The following NUTM1 variants were observed in gnomAD, a reference collection of about 807,000 sequenced individuals.
NUTM1 encodes the protein NUT family member 1.
A neutral mutation model predicts 88.7 loss-of-function variants in NUTM1; 39 were observed. That is an observed-to-expected ratio of 0.44 (90% confidence interval 0.34 to 0.57). NUTM1 has a LOEUF of 0.57. Among genes scored for constraint, NUTM1 ranks in the 20% least tolerant of loss-of-function variants. The pLI is 0.01. For missense variants in NUTM1, 1,350 were observed against 1,414.5 expected (o/e 0.95, Z 0.73); for synonymous variants, 494 against 538.0 (o/e 0.92, Z 1.13).
Position 34,355,256 on chromosome 15 carries a change from C to A in NUTM1, c.1479+119C>A. On this transcript the variant is annotated intron_variant, in intron 7 of 7. Transcript: ENST00000537011. This position sits in a 1 kb window ranked among gnomAD's most constrained non-coding sequence, Gnocchi z 4.3. ...CAGCTTCAGGATTGGGCTTCAGGTG[C>A]AGAACGAGTAGGTAGAGGGCTATGG... is the stretch of plus-strand genomic sequence containing the variant. 1 of 791,776 alleles carries A rather than the reference C, an allele frequency of 1.3e-6. No individual in the cohort carries two copies. The highest frequency in any genetic ancestry group is 2.1e-6 in the Non-Finnish European group (1 of 466,830). 49.0% of individuals were successfully genotyped at this position (791,776 alleles called of 1,614,324 possible).
rs1465928656 is a variant in NUTM1 at position 34,353,848 on chromosome 15, G to T, written c.1051G>T (p.Ala351Ser). Residue 351 changes from alanine to serine, a missense_variant, in exon 5 of 8, where the codon GCC (alanine) becomes TCC (serine). Transcript: ENST00000537011. ...PLKLDPLGPL[A>S]SEVCQQPVYI... ...GAAACTTGATCCTCTAGGGCCCCTG[G>T]CCTCTGAGGTTTGCCAGCAGCCAGG... 6.2e-7 allele frequency: 1 copy of T among 1,613,652 alleles called. No individual in the cohort carries two copies. The highest frequency in any genetic ancestry group is 1.3e-5 in the African/African-American group (1 of 74,902).
chr15:34,347,446 C>G (rs904463821), intron 2 of NUTM1, among the ~76,000 whole-genome samples: 5 of 152,002 alleles, frequency 3.3e-5, no homozygotes, highest in Non-Finnish European at 7.4e-5. Flanking sequence ...TTAATGGAGA[C>G]AGGGTTTTGC....
At position 34,355,028 on chromosome 15, in the gene NUTM1, C is replaced by T; in HGVS notation, c.1370C>T (p.Ala457Val). ...TTTCCTTCTGTTATCCAGGTGGAGG[C>T]TGTCATTCACCCTCAATTTCTGGCA... is the stretch of plus-strand genomic sequence containing the variant. ...SQKVFVSKVE[A>V]VIHPQFLADL... Residue 457 changes from alanine (A) to valine (V), a missense_variant, in exon 7 of 8, where the codon GCT becomes GTT. Ala to Val is a moderately conservative substitution (Grantham distance 64). This residue lies in a region of NUTM1 where 126 missense variants were observed against 189.8 expected (regional missense o/e 0.66). Coordinates refer to ENST00000537011, the MANE Select transcript of NUTM1 (RefSeq NM_001284292.2). This position sits in a 1 kb window ranked among gnomAD's most constrained non-coding sequence, Gnocchi z 4.3. The T allele has an allele frequency of 6.2e-7, 1 of 1,607,924 alleles. No individual in the cohort carries two copies. The highest frequency in any genetic ancestry group is 8.5e-7 in the Non-Finnish European group (1 of 1,174,350).
At position 34,355,968 on chromosome 15, in the gene NUTM1, G is replaced by A. The variant is rs762491899; in HGVS notation, c.1960G>A (p.Gly654Arg). 7.4e-6 allele frequency: 12 copies of A among 1,614,044 alleles called. No homozygotes were observed. The Admixed American group carries it at 1.8e-4, about 25-fold the overall frequency. ...AGAGGCTCTGCCCCTTTGTTGGCAG[G>A]GAGGCTTCCAGCCTGAGAGCACTCC... is the stretch of plus-strand genomic sequence containing the variant. Reference protein sequence around the residue: ...TSEALPLCWQGGFQPESTPSL... With the variant: ...TSEALPLCWQRGFQPESTPSL... Residue 654 changes from glycine to arginine, a missense_variant, in exon 8 of 8, where the codon GGA (glycine) becomes AGA (arginine). This residue lies in a region of NUTM1 where 730 missense variants were observed against 728.8 expected (regional missense o/e 1.00). Transcript: ENST00000537011. The surrounding 1 kb of genome is among the most constrained non-coding windows in gnomAD (Gnocchi z 4.3).
rs781334674 is a variant in NUTM1 at position 34,356,308 on chromosome 15, T to C, written c.2300T>C (p.Ile767Thr). Residue 767 changes from isoleucine (I) to threonine (T), a missense_variant, in exon 8 of 8, where the codon ATA becomes ACA. Ile to Thr is a moderately conservative substitution (Grantham distance 89, BLOSUM62 -1). Around this residue, in one of 5 missense-constraint regions of NUTM1, gnomAD observed 730 missense variants for 728.8 expected, o/e 1.00. Transcript: ENST00000537011. ...GTAGGCTTGGAGCTGCCTGTACAAA[T>C]AGAGGAGGTCATAGAGAGCTTCCAA... is the stretch of plus-strand genomic sequence containing the variant. Reference protein sequence around the residue: ...DAVGLELPVQIEEVIESFQVE... With the variant: ...DAVGLELPVQTEEVIESFQVE... 9 of 1,613,564 alleles carry C rather than the reference T, an allele frequency of 5.6e-6. No homozygotes were observed. The highest frequency in any genetic ancestry group is 2.7e-5 in the African/African-American group (2 of 74,862).
intron 3 of NUTM1, 35 bp downstream of exon 3, chr15:34,348,712 G>T: frequency 6.8e-7 from 1 of 1,463,492 alleles, no homozygotes. Context: ...TTATTCTAGG[G>T]CTTTTAAATA....
At chr15:34,354,864 C>A in intron 6 of NUTM1, 132 bp downstream of exon 6, 1 of 1,041,124 alleles carries the variant, frequency 9.6e-7, no homozygotes, top group Non-Finnish European at 1.5e-6. Context: ...TGTGTGCATG[C>A]ATCATCATGA....
At chr15:34,346,068 T>C in intron 2 of NUTM1, 33 bp downstream of exon 2, 1 of 1,600,596 alleles carries the variant, frequency 6.2e-7, no homozygotes, top group Non-Finnish European at 8.6e-7. Context: ...GGATTTCTGG[T>C]ACCTGCTCAT....
Position 34,345,932 on chromosome 15 carries a change from C to A in NUTM1, c.7-10C>A. 1 of 1,613,904 alleles carries A rather than the reference C, an allele frequency of 6.2e-7. No individual in the cohort carries two copies. Among genetic ancestry groups the A allele is most frequent in the Non-Finnish European group, 8.5e-7 (1 of 1,179,858 alleles). ...CCTTCCTTGGATCCCTGTGCACCTA[C>A]TGGAGCCAGGTTACTCTGGGTCCTG... On this transcript the variant is annotated splice_polypyrimidine_tract_variant and intron_variant, in intron 1 of 7. Coordinates refer to ENST00000537011, the MANE Select transcript of NUTM1 (RefSeq NM_001284292.2).
Position 34,355,659 on chromosome 15 carries a change from C to G in NUTM1, c.1651C>G (p.Leu551Val). Residue 551 changes from leucine (L) to valine (V), a missense_variant, in exon 8 of 8, where the codon CTT becomes GTT. Leu to Val is a conservative substitution (Grantham distance 32). Around this residue, in one of 5 missense-constraint regions of NUTM1, gnomAD observed 730 missense variants for 728.8 expected, o/e 1.00. Coordinates refer to ENST00000537011, the MANE Select transcript of NUTM1 (RefSeq NM_001284292.2). The surrounding 1 kb of genome is among the most constrained non-coding windows in gnomAD (Gnocchi z 4.3). The stretch of plus-strand genomic sequence containing the variant: ...TCAGGGGGCTGGGGGCGCCGCTTGC[C>G]TTGGAAAGGTTTCTTCTTCAGGAAA... ...GLQGAGGAAC[L>V]GKVSSSGKRA... The G allele has an allele frequency of 6.2e-7, 1 of 1,608,908 alleles. No individual in the cohort carries two copies. The highest frequency in any genetic ancestry group is 8.5e-7 in the Non-Finnish European group (1 of 1,177,568).
In NUTM1 at chr15:34,354,521, C is replaced by T. The variant is rs765737308; in HGVS notation, c.1151C>T (p.Ala384Val). The change falls in exon 6 of 8, where the codon GCT becomes GTT. Residue 384 changes from alanine (A) to valine (V), a missense_variant. Physicochemically the swap from Ala to Val is moderately conservative, Grantham distance 64 (BLOSUM62 0). Around this residue, in one of 5 missense-constraint regions of NUTM1, gnomAD observed 89 missense variants for 76.0 expected, o/e 1.17. Coordinates refer to ENST00000537011, the MANE Select transcript of NUTM1 (RefSeq NM_001284292.2). ...CAGCGTAAAGCCCAGAGACCTCCTGCTCCTGAGGCACCCAAGGAGATCCCA... is the reference window on the plus strand; with the variant it reads ...CAGCGTAAAGCCCAGAGACCTCCTGTTCCTGAGGCACCCAAGGAGATCCCA... ...RRQRKAQRPP[A>V]PEAPKEIPPE... 3.1e-6 allele frequency: 5 copies of T among 1,614,192 alleles called. No individual in the cohort carries two copies. The Admixed American group carries it at 8.3e-5, about 27-fold the overall frequency.
chr15:34,348,384 C>A lies in NUTM1; in HGVS notation c.516C>A (p.Pro172=). The A allele has an allele frequency of 6.2e-7, 1 of 1,614,258 alleles. No homozygotes were observed. The highest frequency in any genetic ancestry group is 8.5e-7 in the Non-Finnish European group (1 of 1,180,042). Residue 172 remains proline (P), a synonymous_variant, in exon 3 of 8, where the codon CCC becomes CCA. Coordinates refer to ENST00000537011, the MANE Select transcript of NUTM1 (RefSeq NM_001284292.2). ...VTASNVKTIL[P]SKAVGVSQEG... ...CATCTAATGTGAAGACCATTCTGCC[C>A]TCTAAGGCTGTTGGTGTCAGCCAGG...
At chr15:34,351,936 G>A (rs992490686) in intron 4 of NUTM1, among the ~76,000 whole-genome samples, 9 of 150,782 alleles carry the variant, frequency 6.0e-5, no homozygotes, top group African/African-American at 1.7e-4. Context: ...TTGGGAGGCC[G>A]AGGCAGGCAG....
At chr15:34,345,168 G>T (rs542801875) in intron 1 of NUTM1, among the ~76,000 whole-genome samples, 12 of 152,344 alleles carry the variant, frequency 7.9e-5, no homozygotes, top group African/African-American at 2.4e-4. Flanking sequence ...GGAAATCCAC[G>T]TTTGGATGAA....
At chr15:34,352,045 C>G (rs550677336) in intron 4 of NUTM1, among the ~76,000 whole-genome samples, 6 of 152,268 alleles carry the variant, frequency 3.9e-5, no homozygotes, top group African/African-American at 1.4e-4. Context: ...TGGCGCATGC[C>G]TGTAATCCCA....
At position 34,347,865 on chromosome 15, in the gene NUTM1, T is replaced by C. The variant is rs1385083923; in HGVS notation, c.101-104T>C. ...GAGACTCCATCTCAAAAAATAAAAA[T>C]AAAAATAAAAATAAAAATAAAAATA... On this transcript the variant is annotated intron_variant, in intron 2 of 7. Coordinates refer to ENST00000537011, the MANE Select transcript of NUTM1 (RefSeq NM_001284292.2). The C allele has an allele frequency of 2.2e-5, 12 of 549,888 alleles. 1 individual carries two copies. The South Asian group carries it at 4.2e-4, about 19-fold the overall frequency. The allele number at this position is 549,888 out of a possible 1,614,324, so 34.1% of individuals were successfully genotyped here.
intron 6 of NUTM1, 67 bp downstream of exon 6, chr15:34,354,799 T>C: frequency 6.6e-7 from 1 of 1,520,480 alleles, no homozygotes; most frequent in Non-Finnish European, 9.1e-7. Flanking sequence ...GAACTAATGA[T>C]CTGGGGTTTG....
chr15:34,348,032 C>T lies in NUTM1; in HGVS notation c.164C>T (p.Ala55Val), dbSNP rs766524462. The T allele has an allele frequency of 1.2e-6, 2 of 1,614,052 alleles. No homozygotes were observed. The highest frequency in any genetic ancestry group is 3.3e-5 in the Admixed American group (2 of 60,022). ...AGTGCCGCCCCGTCTCCATCCCCTG[C>T]ACTTCCCTTTCTCCCACCAACTTCT... ...KPSAAPSPSP[A>V]LPFLPPTSDP... Residue 55 changes from alanine to valine, a missense_variant, in exon 3 of 8, where the codon GCA (alanine) becomes GTA (valine). Physicochemically the swap from Ala to Val is moderately conservative, Grantham distance 64 (BLOSUM62 0). This residue lies in a region of NUTM1 where 399 missense variants were observed against 397.9 expected (regional missense o/e 1.00). Transcript: ENST00000537011.
intron 1 of NUTM1, among the ~76,000 whole-genome samples, chr15:34,344,759 T>A (rs1242569121): frequency 1.3e-5 from 2 of 151,920 alleles, no homozygotes; most frequent in Non-Finnish European, 2.9e-5. Context: ...GGCTCACGCC[T>A]AGTAATCCCA....
Sources: gnomAD v4.1 joint callset for allele counts (sites outside exome capture counted in the v4.1 genomes callset) on GRCh38, gnomAD v4.1.1 for gene constraint, gnomAD v4.1.1 regional missense constraint, Gnocchi (gnomAD v3.1) non-coding constraint, MANE v1.5 for transcripts, NCBI Gene and HGNC (gene_info 2026-07-23, HGNC 2026-07-21) for gene names.